Variants in PSD2 observed in about 807,000 individuals in gnomAD.
PSD2 encodes pleckstrin and Sec7 domain containing 2.
PSD2 carries 38 observed loss-of-function variants against 69.8 expected under a neutral mutation model. The ratio of observed to expected loss-of-function variants is 0.54; its 90% CI spans 0.42 to 0.71. The LOEUF (loss-of-function observed/expected upper bound fraction) is 0.71. Ranked by LOEUF, PSD2 falls within the 30% of genes least tolerant of loss-of-function variation. The pLI is 0.00. For synonymous variants in PSD2, 412 were observed against 423.0 expected (o/e 0.97, Z 0.32); for missense variants, 943 against 1,014.5 (o/e 0.93, Z 0.96).
chr5:139,788,175 C>CG, the PSD2 span, among the ~76,000 whole-genome samples: 10 of 108,118 alleles, frequency 9.2e-5, no homozygotes, highest in Non-Finnish European at 1.2e-4. Context: ...CCCGCCCCCC[C>CG]CGCGCCCCCC....
At chr5:139,838,998 C>T (rs2126970173) in intron 13 of PSD2, among the ~76,000 whole-genome samples, 1 of 152,334 alleles carries the variant, frequency 6.6e-6, no homozygotes, top group East Asian at 1.9e-4. Flanking sequence ...TGGCATGGAG[C>T]TGCCTCTATG....
the PSD2 span, among the ~76,000 whole-genome samples, chr5:139,763,964 G>T: frequency 1.3e-5 from 2 of 152,216 alleles, no homozygotes; most frequent in African/African-American, 4.8e-5. Flanking sequence ...AAGTCACCAA[G>T]ATCCAATTGG....
chr5:139,796,524 G>C (rs747259641), intron 1 of PSD2, among the ~76,000 whole-genome samples: 1 of 152,242 alleles, frequency 6.6e-6, no homozygotes, highest in South Asian at 2.1e-4. Context: ...CAGCTAGAGC[G>C]GGGGCTCGCA....
the PSD2 span, among the ~76,000 whole-genome samples, chr5:139,744,602 C>T: frequency 4.6e-5 from 7 of 152,052 alleles, no homozygotes; most frequent in Admixed American, 6.5e-5. Context: ...ATGGTGGCAG[C>T]GGCGGGGGTG....
At chr5:139,778,946 A>G in the PSD2 span, among the ~76,000 whole-genome samples, 1 of 98,370 alleles carries the variant, frequency 1.0e-5, no homozygotes, top group South Asian at 2.8e-4. Context: ...GAAAAAAAAC[A>G]AAAAAAAAAA....
the PSD2 span, among the ~76,000 whole-genome samples, chr5:139,765,500 G>T: frequency 6.6e-5 from 10 of 152,116 alleles, no homozygotes; most frequent in Admixed American, 6.5e-5. Flanking sequence ...CTACAATCTC[G>T]TTCTGCCCAG....
chr5:139,837,249 G>GC lies in PSD2; in HGVS notation c.1665+15dup. The GC allele has an allele frequency of 1.2e-6, 2 of 1,613,396 alleles. No homozygotes were observed. Among genetic ancestry groups the GC allele is most frequent in the Non-Finnish European group, 1.7e-6 (2 of 1,179,366 alleles). On this transcript the variant is annotated intron_variant, in intron 11 of 14. Coordinates refer to ENST00000274710, the MANE Select transcript of PSD2 (RefSeq NM_032289.4). This position sits in a 1 kb window ranked among gnomAD's most constrained non-coding sequence, Gnocchi z 5.0. ...CTGTACCTGCAGAAGGTGAGAGACT[G>GC]CCCCAGAGACCTTACTCAGAAAGGG...
the PSD2 span, among the ~76,000 whole-genome samples, chr5:139,766,242 C>T: frequency 6.6e-6 from 1 of 152,230 alleles, no homozygotes; most frequent in East Asian, 1.9e-4. Context: ...TAGAAGGGGG[C>T]GATACAGGAT....
chr5:139,823,728 G>C (rs1325286833), intron 7 of PSD2, among the ~76,000 whole-genome samples: 2 of 152,174 alleles, frequency 1.3e-5, no homozygotes, highest in African/African-American at 4.8e-5. Context: ...GCAGGGTCTG[G>C]CACCTAGTAA....
chr5:139,767,246 G>T, the PSD2 span, among the ~76,000 whole-genome samples: 1 of 151,690 alleles, frequency 6.6e-6, no homozygotes, highest in Non-Finnish European at 1.5e-5. Flanking sequence ...GCCTGCCTCG[G>T]CCTCCCAAAG....
chr5:139,813,785 C>A (rs761344707), intron 3 of PSD2, 27 bp downstream of exon 3: 76 of 1,563,254 alleles, frequency 4.9e-5, no homozygotes, highest in Non-Finnish European at 6.5e-5. Flanking sequence ...GCTGGGAGAA[C>A]CACCGAGCAG....
chr5:139,771,105 A>T, the PSD2 span, among the ~76,000 whole-genome samples: 1 of 152,244 alleles, frequency 6.6e-6, no homozygotes. Context: ...GTACAGATAC[A>T]TAGATACTTT....
the PSD2 span, among the ~76,000 whole-genome samples, chr5:139,751,938 A>C: frequency 6.6e-6 from 1 of 151,888 alleles, no homozygotes; most frequent in Non-Finnish European, 1.5e-5. Context: ...GACTATAGGC[A>C]TGTGTCACCA....
chr5:139,805,035 TGCATGTGTGTGC>T (rs1383977479), intron 1 of PSD2, among the ~76,000 whole-genome samples: 3 of 151,826 alleles, frequency 2.0e-5, no homozygotes, highest in Non-Finnish European at 2.9e-5. Flanking sequence ...GTGTGTATTG[TGCATGTGTGTGC>T]GCATGTGTGT....
the PSD2 span, among the ~76,000 whole-genome samples, chr5:139,755,024 G>A: frequency 8.5e-5 from 13 of 152,248 alleles, no homozygotes; most frequent in Non-Finnish European, 1.8e-4. Context: ...CCAACATTTA[G>A]TGCTTGCTTA....
the PSD2 span, among the ~76,000 whole-genome samples, chr5:139,788,872 C>T: frequency 1.2e-3 from 188 of 152,350 alleles, 6 homozygotes; most frequent in Admixed American, 1.6e-3. Flanking sequence ...TTCTCCAGCC[C>T]GTGGCCTTGC....
rs373572959 is a variant in PSD2 at position 139,814,139 on chromosome 5, C to A, written c.822-31C>A. ...GGGGCCTTTGACCCTGGGCCTCTGA[C>A]GCTACTCTTCCACCCACCTTCCATC... is the stretch of plus-strand genomic sequence containing the variant. On this transcript the variant is annotated intron_variant, in intron 3 of 14. Coordinates refer to ENST00000274710, the MANE Select transcript of PSD2 (RefSeq NM_032289.4). The surrounding 1 kb of genome is among the most constrained non-coding windows in gnomAD (Gnocchi z 4.4). 1.2e-6 allele frequency: 2 copies of A among 1,604,940 alleles called. No individual in the cohort carries two copies. Among genetic ancestry groups the A allele is most frequent in the African/African-American group, 2.7e-5 (2 of 74,450 alleles).
chr5:139,760,356 C>T, the PSD2 span, among the ~76,000 whole-genome samples: 2 of 152,322 alleles, frequency 1.3e-5, no homozygotes, highest in Admixed American at 6.5e-5. Context: ...GTGGTGGAAA[C>T]TTGACCTGGT....
At chr5:139,793,468 G>C (rs550666017), upstream of PSD2, among the ~76,000 whole-genome samples, 1 of 152,272 alleles carries the variant, frequency 6.6e-6, no homozygotes, top group African/African-American at 2.4e-5. Context: ...TGGGTTGGGG[G>C]GACTGGACTA....
Sources: allele counts gnomAD v4.1 joint callset (sites outside exome capture counted in the v4.1 genomes callset), GRCh38; gene constraint gnomAD v4.1.1; non-coding constraint Gnocchi (gnomAD v3.1); transcripts MANE v1.5; gene names NCBI Gene and HGNC (gene_info 2026-07-23, HGNC 2026-07-21).